The following RBFOX1 variants were observed in gnomAD, a reference collection of about 807,000 sequenced individuals.
The protein encoded by RBFOX1 is RNA binding fox-1 homolog 1.
A neutral mutation model predicts 57.7 loss-of-function variants in RBFOX1; 8 were observed. The ratio of observed to expected loss-of-function variants is 0.14; its 90% CI spans 0.08 to 0.25. RBFOX1 has a LOEUF of 0.25. Ranked by LOEUF, RBFOX1 falls within the 10% of genes least tolerant of loss-of-function variation. The probability of loss-of-function intolerance (pLI) is 1.00; values close to 1 mark genes in which losing one functional copy is unlikely to be tolerated. For missense variants in RBFOX1, 611 were observed against 548.5 expected (o/e 1.11, Z -1.14); for synonymous variants, 326 against 222.4 (o/e 1.47, Z -4.15).
At chr16:6,670,876 T>G (rs1249286864) in intron 3 of RBFOX1, among the ~76,000 whole-genome samples, 1 of 151,792 alleles carries the variant, frequency 6.6e-6, no homozygotes, top group Admixed American at 6.6e-5. Flanking sequence ...GGCGGGAGCC[T>G]GTAGTCCCAG....
intron 4 of RBFOX1, among the ~76,000 whole-genome samples, chr16:7,128,737 C>T (rs1246362426): frequency 1.3e-5 from 2 of 151,842 alleles, no homozygotes; most frequent in African/African-American, 2.4e-5. Flanking sequence ...ATGGTCATAT[C>T]ACAAAGGGCT....
chr16:7,304,361 G>C, intron 4 of RBFOX1: 1 of 985,362 alleles, frequency 1.0e-6, no homozygotes, highest in South Asian at 4.7e-5. Flanking sequence ...TCCCCACTCG[G>C]GCTCGGCGGG....
chr16:7,124,499 C>T (rs866502401), intron 4 of RBFOX1, among the ~76,000 whole-genome samples: 30 of 113,076 alleles, frequency 2.7e-4, no homozygotes, highest in African/African-American at 9.4e-4. Flanking sequence ...CTCCCTTCCT[C>T]GCTCCCCCTC....
intron 4 of RBFOX1, among the ~76,000 whole-genome samples, chr16:7,341,703 CT>C (rs2096894874): frequency 6.7e-6 from 1 of 149,746 alleles, no homozygotes; most frequent in Non-Finnish European, 1.5e-5. Context: ...ACCTTCCTTC[CT>C]TCCTTCCTTC....
chr16:5,723,342 C>G (rs2052006307), intron 3 of RBFOX1, among the ~76,000 whole-genome samples: 1 of 152,060 alleles, frequency 6.6e-6, no homozygotes, highest in Non-Finnish European at 1.5e-5. Flanking sequence ...ATTTTGAGAC[C>G]TTTGGTCTAA....
intron 2 of RBFOX1, among the ~76,000 whole-genome samples, chr16:6,488,544 A>G (rs1339793844): frequency 6.6e-6 from 1 of 152,176 alleles, no homozygotes; most frequent in African/African-American, 2.4e-5. Context: ...ATGGAGAAAC[A>G]ATTTTCAAGA....
At chr16:7,372,187 A>G (rs1299679418) in intron 4 of RBFOX1, among the ~76,000 whole-genome samples, 1 of 152,152 alleles carries the variant, frequency 6.6e-6, no homozygotes, top group Non-Finnish European at 1.5e-5. Context: ...TATTCAATTC[A>G]CATCACTTTC....
intron 1 of RBFOX1, among the ~76,000 whole-genome samples, chr16:6,296,839 C>G (rs995349112): frequency 6.6e-6 from 1 of 152,106 alleles, no homozygotes; most frequent in Admixed American, 6.5e-5. Flanking sequence ...GGTACAGACC[C>G]CAAGAGAGGG....
chr16:6,194,138 C>T (rs77423110), intron 1 of RBFOX1, among the ~76,000 whole-genome samples: 3,456 of 152,262 alleles, frequency 0.023, 90 homozygotes, highest in African/African-American at 0.076. Flanking sequence ...CCCTCATCCT[C>T]TCTCAGTTGA....
chr16:7,696,896 T>A (rs145251930), intron 14 of RBFOX1, among the ~76,000 whole-genome samples: 1 of 152,050 alleles, frequency 6.6e-6, no homozygotes, highest in Non-Finnish European at 1.5e-5. Context: ...AGAGACCCTG[T>A]GGTTGAGACA....
intron 4 of RBFOX1, among the ~76,000 whole-genome samples, chr16:7,472,548 C>G (rs17143731): frequency 0.027 from 4,177 of 152,276 alleles, 170 homozygotes; most frequent in African/African-American, 0.093. Flanking sequence ...ATGCAGTACA[C>G]AGTGCAAATA....
intron 4 of RBFOX1, among the ~76,000 whole-genome samples, chr16:7,052,605 T>C (rs1426890545): frequency 1.2e-4 from 19 of 152,136 alleles, no homozygotes; most frequent in Admixed American, 1.2e-3. Context: ...GACAAAATTT[T>C]AAACCTTATA....
At chr16:6,260,223 T>A (rs899548802) in intron 1 of RBFOX1, among the ~76,000 whole-genome samples, 13 of 152,158 alleles carry the variant, frequency 8.5e-5, no homozygotes, top group Admixed American at 2.6e-4. Context: ...TGACAATTGA[T>A]ATATTGCCGC....
intron 4 of RBFOX1, among the ~76,000 whole-genome samples, chr16:7,235,259 A>T (rs2093710435): frequency 6.6e-6 from 1 of 152,150 alleles, no homozygotes; most frequent in Non-Finnish European, 1.5e-5. Context: ...CATTTCAGGG[A>T]TGGGTTACAC....
intron 3 of RBFOX1, among the ~76,000 whole-genome samples, chr16:6,756,836 G>T (rs145961842): frequency 6.6e-6 from 1 of 152,092 alleles, no homozygotes; most frequent in South Asian, 2.1e-4. Flanking sequence ...TTAGCCAGGC[G>T]TGGTGGCAGA....
intron 1 of RBFOX1, among the ~76,000 whole-genome samples, chr16:6,284,570 A>G (rs1265174192): frequency 6.6e-6 from 1 of 152,198 alleles, no homozygotes. Flanking sequence ...CGCCATAGCA[A>G]CAATATTTTA....
chr16:5,298,470 C>T (rs2063723348), intron 1 of RBFOX1, among the ~76,000 whole-genome samples: 1 of 71,374 alleles, frequency 1.4e-5, no homozygotes, highest in Non-Finnish European at 2.6e-5. Flanking sequence ...CCCTCCCTTC[C>T]CCTTCCCCTC....
intron 4 of RBFOX1, among the ~76,000 whole-genome samples, chr16:7,177,012 A>G (rs2081806217): frequency 6.6e-6 from 1 of 152,192 alleles, no homozygotes; most frequent in East Asian, 1.9e-4. Context: ...TACCCCATGA[A>G]GTCTCATTGA....
chr16:5,956,676 A>ATTTTTTTTTTTTT (rs1416211761), intron 4 of RBFOX1, among the ~76,000 whole-genome samples: 2 of 104,088 alleles, frequency 1.9e-5, no homozygotes, highest in African/African-American at 7.1e-5. Flanking sequence ...ATATATATAT[A>ATTTTTTTTTTTTT]TATTTTTTTT....
Sources: allele counts gnomAD v4.1 joint callset (sites outside exome capture counted in the v4.1 genomes callset), GRCh38; gene constraint gnomAD v4.1.1; transcripts MANE v1.5; gene names NCBI Gene and HGNC (gene_info 2026-07-23, HGNC 2026-07-21).